CACNB2: variants seen among roughly 807,000 people sequenced by gnomAD.
CACNB2 encodes the protein voltage-dependent L-type calcium channel subunit beta-2.
In CACNB2, 42 loss-of-function variants were observed where a neutral mutation model predicts 73.3. The ratio of observed to expected loss-of-function variants is 0.57; its 90% CI spans 0.45 to 0.74. The LOEUF (loss-of-function observed/expected upper bound fraction) is 0.74, where lower values mean the gene tolerates loss of function less well. Among genes scored for constraint, CACNB2 ranks in the 30% least tolerant of loss-of-function variants. CACNB2 has a pLI of 0.00. For synonymous variants in CACNB2, 348 were observed against 310.3 expected (o/e 1.12, Z -1.28); for missense variants, 940 against 853.0 (o/e 1.10, Z -1.27).
chr10:18,171,521 G>GAAAGAAAAAAAAAAAA (rs2033230215), intron 2 of CACNB2, among the ~76,000 whole-genome samples: 1 of 32,588 alleles, frequency 3.1e-5, no homozygotes, highest in Non-Finnish European at 5.7e-5. Flanking sequence ...TTTGATAGCA[G>GAAAGAAAAAAAAAAAA]AAAAAAAAAA....
chr10:18,266,268 A>G (rs933869163), intron 2 of CACNB2, among the ~76,000 whole-genome samples: 9 of 152,202 alleles, frequency 5.9e-5, no homozygotes, highest in Non-Finnish European at 1.0e-4. Context: ...TGTACTGCCA[A>G]AGGCCACAGA....
At chr10:18,397,720 C>CAAA (rs10581390) in intron 2 of CACNB2, among the ~76,000 whole-genome samples, 4 of 91,726 alleles carry the variant, frequency 4.4e-5, no homozygotes, top group African/African-American at 8.9e-5. Context: ...GACTCCGTCT[C>CAAA]AAAAAAAAAA....
At chr10:18,161,352 T>C (rs2032443545) in intron 2 of CACNB2, among the ~76,000 whole-genome samples, 2 of 152,194 alleles carry the variant, frequency 1.3e-5, no homozygotes. Context: ...TTCTTTTGCA[T>C]AGAGTATGGG....
chr10:18,442,956 ATGT>A (rs2046510839), intron 3 of CACNB2, among the ~76,000 whole-genome samples: 2 of 19,312 alleles, frequency 1.0e-4, no homozygotes, highest in Non-Finnish European at 1.5e-4. Flanking sequence ...ATATATATAT[ATGT>A]ATATATATAT....
At chr10:18,389,967 G>A (rs577605038) in intron 2 of CACNB2, among the ~76,000 whole-genome samples, 3 of 152,200 alleles carry the variant, frequency 2.0e-5, no homozygotes, top group Non-Finnish European at 4.4e-5. Context: ...TTATCAATTA[G>A]TGTGCCTTTT....
chr10:18,455,873 G>C (rs1481379686), intron 3 of CACNB2, among the ~76,000 whole-genome samples: 2 of 152,156 alleles, frequency 1.3e-5, no homozygotes, highest in Non-Finnish European at 2.9e-5. Context: ...GAGCTTCACT[G>C]GTTGGCAGTG....
chr10:18,450,888 T>C (rs971987574), intron 3 of CACNB2, among the ~76,000 whole-genome samples: 4 of 152,170 alleles, frequency 2.6e-5, no homozygotes, highest in Admixed American at 6.5e-5. Context: ...CCACCCGCCT[T>C]GGCCTCCCAA....
At chr10:18,247,510 AG>A (rs1387483252) in intron 2 of CACNB2, among the ~76,000 whole-genome samples, 2 of 152,296 alleles carry the variant, frequency 1.3e-5, no homozygotes, top group Middle Eastern at 3.4e-3. Context: ...GAAGATTGTC[AG>A]GGTTGCCAAA....
At chr10:18,286,920 C>T (rs1427754139) in intron 2 of CACNB2, among the ~76,000 whole-genome samples, 4 of 152,104 alleles carry the variant, frequency 2.6e-5, no homozygotes, top group Non-Finnish European at 5.9e-5. Context: ...TTAATCGACC[C>T]CATAGGGTCC....
At chr10:18,297,715 C>T (rs1461978060) in intron 2 of CACNB2, among the ~76,000 whole-genome samples, 13 of 152,112 alleles carry the variant, frequency 8.5e-5, no homozygotes, top group Non-Finnish European at 1.5e-5. Flanking sequence ...GGTTTGAGCC[C>T]AGATTTTAGG....
At chr10:18,188,956 A>G (rs908658229) in intron 2 of CACNB2, among the ~76,000 whole-genome samples, 3 of 152,070 alleles carry the variant, frequency 2.0e-5, no homozygotes, top group African/African-American at 4.8e-5. Flanking sequence ...AGGATTGTCT[A>G]TTGTTATTTA....
intron 3 of CACNB2, among the ~76,000 whole-genome samples, chr10:18,426,794 A>G (rs1373100248): frequency 6.6e-6 from 1 of 152,164 alleles, no homozygotes; most frequent in Non-Finnish European, 1.5e-5. Context: ...ACATTAGGTT[A>G]TTCTTGTCTT....
At chr10:18,179,453 T>C (rs748899984) in intron 2 of CACNB2, among the ~76,000 whole-genome samples, 14 of 152,216 alleles carry the variant, frequency 9.2e-5, no homozygotes, top group Non-Finnish European at 1.9e-4. Flanking sequence ...GTAACTTACC[T>C]GGTCATTGCT....
intron 2 of CACNB2, among the ~76,000 whole-genome samples, chr10:18,399,287 T>C (rs763732255): frequency 6.6e-6 from 1 of 152,196 alleles, no homozygotes; most frequent in Non-Finnish European, 1.5e-5. Flanking sequence ...CAGGTGTGTA[T>C]GTGTTGACAC....
chr10:18,347,802 TTC>T (rs1376045591), intron 2 of CACNB2, among the ~76,000 whole-genome samples: 1 of 152,128 alleles, frequency 6.6e-6, no homozygotes, highest in Non-Finnish European at 1.5e-5. Flanking sequence ...CTGAGATCCT[TTC>T]TGTTGGACCC....
chr10:18,151,558 G>T (rs1451052419), intron 2 of CACNB2, among the ~76,000 whole-genome samples: 1 of 152,110 alleles, frequency 6.6e-6, no homozygotes, highest in Admixed American at 6.6e-5. Context: ...CCCCTAAACA[G>T]ACAGTGCCAG....
intron 3 of CACNB2, among the ~76,000 whole-genome samples, chr10:18,413,357 C>T (rs1486836430): frequency 6.6e-6 from 1 of 152,202 alleles, no homozygotes; most frequent in African/African-American, 2.4e-5. Flanking sequence ...AAACCACTGC[C>T]ATCTTCCCTT....
intron 2 of CACNB2, among the ~76,000 whole-genome samples, chr10:18,205,031 T>A (rs1237312806): frequency 6.7e-6 from 1 of 150,248 alleles, no homozygotes; most frequent in Non-Finnish European, 1.5e-5. Flanking sequence ...TATTCCAAAC[T>A]CTCTAATGTT....
At chr10:18,503,666 G>A (rs775344441) in intron 5 of CACNB2, among the ~76,000 whole-genome samples, 11 of 152,148 alleles carry the variant, frequency 7.2e-5, no homozygotes, top group Non-Finnish European at 1.5e-4. Flanking sequence ...CTGTCAACTA[G>A]GTAGTATATC....
Sources: allele counts gnomAD v4.1 joint callset (sites outside exome capture counted in the v4.1 genomes callset), GRCh38; gene constraint gnomAD v4.1.1; transcripts MANE v1.5; gene names NCBI Gene and HGNC (gene_info 2026-07-23, HGNC 2026-07-21).